ADORA2B: variants seen among roughly 807,000 people sequenced by gnomAD.
The protein encoded by ADORA2B is adenosine receptor A2b.
A neutral mutation model predicts 20.8 loss-of-function variants in ADORA2B; 18 were observed. That is an observed-to-expected ratio of 0.87 (90% CI 0.60 to 1.29). The LOEUF (loss-of-function observed/expected upper bound fraction) is 1.29. Among genes scored for constraint, ADORA2B ranks in the 50% most tolerant of loss-of-function variants. ADORA2B has a pLI of 0.00. For synonymous variants in ADORA2B, 179 were observed against 178.3 expected, an observed-to-expected ratio of 1.00 and a Z score of -0.03; for missense variants, 441 against 422.7, an observed-to-expected ratio of 1.04 and a Z score of -0.38.
At chr17:15,928,387 G>GCATT in the ADORA2B span, among the ~76,000 whole-genome samples, 1 of 151,772 alleles carries the variant, frequency 6.6e-6, no homozygotes, top group South Asian at 2.1e-4. Flanking sequence ...AGATAACAGT[G>GCATT]CATTCTCTTG....
At chr17:15,911,840 G>A in the ADORA2B span, among the ~76,000 whole-genome samples, 1 of 152,162 alleles carries the variant, frequency 6.6e-6, no homozygotes, top group Non-Finnish European at 1.5e-5. Flanking sequence ...GAGGCAGGAG[G>A]ACTGCTTCAG....
the ADORA2B span, among the ~76,000 whole-genome samples, chr17:15,853,373 G>A: frequency 6.6e-6 from 1 of 152,226 alleles, no homozygotes; most frequent in Non-Finnish European, 1.5e-5. Flanking sequence ...AAAAAGTTCT[G>A]CATGAAGTTT....
At chr17:15,883,204 G>A in the ADORA2B span, among the ~76,000 whole-genome samples, 1 of 152,162 alleles carries the variant, frequency 6.6e-6, no homozygotes, top group South Asian at 2.1e-4. Flanking sequence ...AAATTCCTTA[G>A]AACTAATTCT....
At chr17:15,903,475 C>G in the ADORA2B span, among the ~76,000 whole-genome samples, 1 of 152,164 alleles carries the variant, frequency 6.6e-6, no homozygotes, top group African/African-American at 2.4e-5. Context: ...TACTTTAGCA[C>G]TATGTAGGGG....
upstream of ADORA2B, among the ~76,000 whole-genome samples, chr17:15,943,762 A>G (rs576426688): frequency 1.1e-4 from 16 of 152,340 alleles, no homozygotes; most frequent in Admixed American, 6.5e-4. Context: ...TTATCACCCT[A>G]AAAAATCCTT....
chr17:15,917,381 G>A, the ADORA2B span, among the ~76,000 whole-genome samples: 2 of 152,220 alleles, frequency 1.3e-5, no homozygotes, highest in African/African-American at 2.4e-5. Context: ...AGTCTCGAGG[G>A]GCACGTTCCC....
the ADORA2B span, among the ~76,000 whole-genome samples, chr17:15,937,675 C>T: frequency 4.0e-5 from 6 of 151,786 alleles, no homozygotes; most frequent in Non-Finnish European, 5.9e-5. Context: ...CAGGTTCAAG[C>T]GATTATTCTG....
chr17:15,965,041 C>CG (rs202109657), intron 1 of ADORA2B, among the ~76,000 whole-genome samples: 77 of 150,800 alleles, frequency 5.1e-4, no homozygotes, highest in Non-Finnish European at 8.4e-4. Flanking sequence ...GCCTGGGCGA[C>CG]GGAGCTAGAC....
At chr17:15,974,037 C>A (rs1199881252) in intron 1 of ADORA2B, 1 of 148,168 alleles carries the variant, frequency 6.7e-6, no homozygotes, top group Admixed American at 6.9e-5. Flanking sequence ...AATTTATGGA[C>A]AGAAAAAAGA....
At chr17:15,881,934 C>A in the ADORA2B span, among the ~76,000 whole-genome samples, 1 of 152,136 alleles carries the variant, frequency 6.6e-6, no homozygotes, top group South Asian at 2.1e-4. Context: ...ATAATCCTGG[C>A]CTGTGTGGAA....
chr17:15,917,345 G>A, the ADORA2B span, among the ~76,000 whole-genome samples: 1 of 152,218 alleles, frequency 6.6e-6, no homozygotes, highest in East Asian at 1.9e-4. Flanking sequence ...GGCTAGGCGG[G>A]GACAGCGGTA....
At chr17:15,903,689 A>T in the ADORA2B span, among the ~76,000 whole-genome samples, 3 of 152,236 alleles carry the variant, frequency 2.0e-5, no homozygotes, top group Non-Finnish European at 4.4e-5. Context: ...ATTTGTGTCC[A>T]CATTACAAAA....
intron 1 of ADORA2B, among the ~76,000 whole-genome samples, chr17:15,964,943 C>T (rs1308282995): frequency 6.6e-6 from 1 of 151,974 alleles, no homozygotes; most frequent in African/African-American, 2.4e-5. Context: ...GCCTGTAGTC[C>T]CAGCTACTCA....
At chr17:15,972,281 A>G (rs1013537841) in intron 1 of ADORA2B, among the ~76,000 whole-genome samples, 1 of 152,228 alleles carries the variant, frequency 6.6e-6, no homozygotes, top group African/African-American at 2.4e-5. Flanking sequence ...GCTGGGAAGT[A>G]TACGTCTTAC....
the ADORA2B span, among the ~76,000 whole-genome samples, chr17:15,852,628 A>G: frequency 4.6e-5 from 7 of 152,246 alleles, 1 homozygote; most frequent in Admixed American, 3.9e-4. Context: ...TCCAGTAAAG[A>G]AAATAAGTAA....
chr17:15,937,717 C>T, the ADORA2B span, among the ~76,000 whole-genome samples: 3 of 151,920 alleles, frequency 2.0e-5, no homozygotes, highest in East Asian at 1.9e-4. Context: ...GGACTACAGG[C>T]GTGTGCCACC....
chr17:15,935,833 G>A, the ADORA2B span, among the ~76,000 whole-genome samples: 35 of 148,092 alleles, frequency 2.4e-4, 1 homozygote, highest in East Asian at 6.9e-3. Flanking sequence ...TCGCTGTTGT[G>A]CCCTTCTATT....
the ADORA2B span, among the ~76,000 whole-genome samples, chr17:15,890,038 A>G: frequency 0.012 from 1,552 of 130,148 alleles, 333 homozygotes; most frequent in South Asian, 0.03. Context: ...GGACGCCTAG[A>G]TGTGATATTA....
At chr17:15,857,936 G>A in the ADORA2B span, among the ~76,000 whole-genome samples, 3 of 145,858 alleles carry the variant, frequency 2.1e-5, no homozygotes, top group Non-Finnish European at 3.0e-5. Flanking sequence ...TTTTATGGGT[G>A]AATATCTCCA....
Sources: gnomAD v4.1 joint callset for allele counts (sites outside exome capture counted in the v4.1 genomes callset) on GRCh38, gnomAD v4.1.1 for gene constraint, MANE v1.5 for transcripts, NCBI Gene and HGNC (gene_info 2026-07-23, HGNC 2026-07-21) for gene names.